SANBR: variants seen among roughly 807,000 people sequenced by gnomAD.
SANBR encodes the protein SANT and BTB domain regulator of CSR.
Under a neutral mutation model 101.8 loss-of-function variants are expected in SANBR, and 77 were observed. The observed-to-expected ratio is 0.76, with a 90% confidence interval of 0.63 to 0.91. The LOEUF is 0.91. SANBR is among the 40% of genes least tolerant of loss of function. The probability of loss-of-function intolerance (pLI) is 0.00; values close to 1 mark genes in which losing one functional copy is unlikely to be tolerated. For synonymous variants in SANBR, 279 were observed against 274.7 expected (o/e 1.02, Z -0.15); for missense variants, 875 against 853.0 (o/e 1.03, Z -0.32).
At chr2:61,131,660 ACT>A (rs1178869704) in intron 20 of SANBR, among the ~76,000 whole-genome samples, 6 of 152,172 alleles carry the variant, frequency 3.9e-5, no homozygotes, top group Non-Finnish European at 8.8e-5. Flanking sequence ...CTTGTGAGAG[ACT>A]CTCTTCCTTG....
At chr2:61,073,866 G>A (rs1198554536) in intron 5 of SANBR, among the ~76,000 whole-genome samples, 1 of 151,910 alleles carries the variant, frequency 6.6e-6, no homozygotes, top group African/African-American at 2.4e-5. Context: ...TTAATTCTCC[G>A]ACTTTACTAA....
intron 5 of SANBR, among the ~76,000 whole-genome samples, chr2:61,074,569 C>T (rs1190416000): frequency 6.6e-6 from 1 of 151,542 alleles, no homozygotes; most frequent in Non-Finnish European, 1.5e-5. Context: ...CCACCGTGCC[C>T]ATTTTTGTAT....
chr2:61,068,273 C>T (rs1421523907), intron 1 of SANBR, among the ~76,000 whole-genome samples: 1 of 152,152 alleles, frequency 6.6e-6, no homozygotes, highest in East Asian at 1.9e-4. Flanking sequence ...CAGATTCACT[C>T]ACTTTTTTCA....
intron 16 of SANBR, 38 bp from the exon 17 acceptor site, chr2:61,115,941 T>C (rs1161745639): frequency 7.7e-7 from 1 of 1,306,680 alleles, no homozygotes; most frequent in South Asian, 1.3e-5. Flanking sequence ...GAAAAGTATA[T>C]GGGGCCTAAG....
intron 16 of SANBR, among the ~76,000 whole-genome samples, chr2:61,110,602 C>T (rs900101392): frequency 1.3e-5 from 2 of 152,188 alleles, no homozygotes; most frequent in Non-Finnish European, 2.9e-5. Context: ...CTGCTTGAAC[C>T]CGCAAGGCGG....
intron 8 of SANBR, among the ~76,000 whole-genome samples, chr2:61,084,056 C>T (rs1368653514): frequency 3.9e-5 from 6 of 151,982 alleles, no homozygotes; most frequent in Non-Finnish European, 7.4e-5. Context: ...CAGGCTCAAG[C>T]GATCCTTCCA....
At chr2:61,082,613 G>A (rs1056034882) in intron 7 of SANBR, among the ~76,000 whole-genome samples, 5 of 152,202 alleles carry the variant, frequency 3.3e-5, no homozygotes, top group African/African-American at 1.2e-4. Context: ...GAGGTCAGGA[G>A]TTCAAGACCA....
At chr2:61,094,140 G>A in intron 11 of SANBR, 3 of 917,070 alleles carry the variant, frequency 3.3e-6, no homozygotes, top group Non-Finnish European at 3.9e-6. Context: ...AAAAAGGTTT[G>A]TTGAAGTATT....
intron 17 of SANBR, chr2:61,117,040 G>A (rs1172375962): frequency 2.5e-5 from 9 of 355,174 alleles, no homozygotes; most frequent in Non-Finnish European, 4.7e-5. Flanking sequence ...CTGGGCAACA[G>A]AGTGAGACCC....
intron 20 of SANBR, among the ~76,000 whole-genome samples, chr2:61,118,720 C>G (rs1483938761): frequency 6.6e-6 from 1 of 151,820 alleles, no homozygotes; most frequent in South Asian, 2.1e-4. Flanking sequence ...CACCACCATG[C>G]CCGGCTAATT....
In SANBR at chr2:61,097,771, T is replaced by C. The variant is rs760358369; in HGVS notation, c.1284T>C (p.Ser428=). The change falls in exon 12 of 22, where the codon AGT becomes AGC. Residue 428 remains serine (S), a synonymous_variant. Transcript: ENST00000402291. ...CAGTGGTTTATCCTACTGCAGCAAG[T>C]TCATTGAATACTGTTGGCACTGGAA... is the stretch of plus-strand genomic sequence containing the variant. The part of the protein sequence containing the change: ...SETVVYPTAA[S]SLNTVGTGIY... The C allele has an allele frequency of 6.2e-7, 1 of 1,613,076 alleles. No individual in the cohort carries two copies. The highest frequency in any genetic ancestry group is 8.5e-7 in the Non-Finnish European group (1 of 1,179,238).
intron 8 of SANBR, among the ~76,000 whole-genome samples, chr2:61,083,777 G>A (rs911622453): frequency 3.3e-5 from 5 of 151,504 alleles, no homozygotes. Flanking sequence ...GCTGAGGCAG[G>A]AGAATGGCAT....
chr2:61,101,902 G>A (rs1461470877), intron 12 of SANBR, among the ~76,000 whole-genome samples: 3 of 152,062 alleles, frequency 2.0e-5, no homozygotes, highest in African/African-American at 7.2e-5. Flanking sequence ...GCTGGGCATG[G>A]TGGTGGGCGC....
chr2:61,089,175 A>C, intron 10 of SANBR: 1 of 985,158 alleles, frequency 1.0e-6, no homozygotes, highest in Non-Finnish European at 1.2e-6. Context: ...TTAGCATTGG[A>C]TTTTCTGTCA....
Position 61,121,171 on chromosome 2 carries a change from T to G in SANBR, c.2029-14T>G. The G allele has an allele frequency of 6.5e-7, 1 of 1,538,132 alleles. No individual in the cohort carries two copies. Among genetic ancestry groups the G allele is most frequent in the East Asian group, 2.4e-5 (1 of 40,890 alleles). ...ATTCTGTGAAGATAACAGTATTGCTTCTTTATTCTGCAGTTTGCAGGAGGT... is the reference window on the plus strand; with the variant it reads ...ATTCTGTGAAGATAACAGTATTGCTGCTTTATTCTGCAGTTTGCAGGAGGT... On this transcript the variant is annotated splice_polypyrimidine_tract_variant and intron_variant, in intron 20 of 21. Coordinates refer to ENST00000402291, the MANE Select transcript of SANBR (RefSeq NM_001129993.3).
chr2:61,083,793 T>C (rs1044141190), intron 8 of SANBR, among the ~76,000 whole-genome samples: 4 of 148,662 alleles, frequency 2.7e-5, no homozygotes, highest in African/African-American at 9.9e-5. Flanking sequence ...GGCATGAACC[T>C]GGGAGGCGGA....
intron 10 of SANBR, chr2:61,088,855 TA>T: frequency 1.0e-6 from 1 of 970,210 alleles, no homozygotes; most frequent in Non-Finnish European, 1.2e-6. Context: ...AGCATATTTA[TA>T]AAAATATAAC....
At chr2:61,112,426 C>T (rs1683874041) in intron 16 of SANBR, among the ~76,000 whole-genome samples, 1 of 151,956 alleles carries the variant, frequency 6.6e-6, no homozygotes, top group African/African-American at 2.4e-5. Flanking sequence ...TACTTTAGAT[C>T]TAAGTCTTTT....
intron 12 of SANBR, among the ~76,000 whole-genome samples, chr2:61,098,237 G>A (rs1683126463): frequency 6.6e-6 from 1 of 151,684 alleles, no homozygotes; most frequent in South Asian, 2.1e-4. Flanking sequence ...CTGAGTAGCT[G>A]GGACTACAGG....
Sources: allele counts gnomAD v4.1 joint callset (sites outside exome capture counted in the v4.1 genomes callset), GRCh38; gene constraint gnomAD v4.1.1; transcripts MANE v1.5; gene names NCBI Gene and HGNC (gene_info 2026-07-23, HGNC 2026-07-21).